The following MFHAS1 variants were observed in gnomAD, a reference collection of about 807,000 sequenced individuals.
The protein encoded by MFHAS1 is malignant fibrous histiocytoma-amplified sequence 1.
A neutral mutation model predicts 70.4 loss-of-function variants in MFHAS1; 50 were observed. That is an observed-to-expected ratio of 0.71 (90% CI 0.57 to 0.90). The LOEUF (loss-of-function observed/expected upper bound fraction) is 0.90, where lower values mean the gene tolerates loss of function less well. MFHAS1 is among the 40% of genes least tolerant of loss of function. The pLI is 0.00. For missense variants in MFHAS1, 1,795 were observed against 1,347.6 expected, an observed-to-expected ratio of 1.33 and a Z score of -5.20; for synonymous variants, 952 against 620.0, an observed-to-expected ratio of 1.54 and a Z score of -7.96.
Position 8,820,264 on chromosome 8 carries a change from G to C in MFHAS1, c.2999-22773C>G, listed in dbSNP as rs192233537. Among the ~76,000 whole-genome samples, 24 of 151,564 alleles carry C rather than the reference G, an allele frequency of 1.6e-4. 1 individual carries two copies. The East Asian group carries it at 4.5e-3, about 28-fold the overall frequency. ...TATGCTCCCCCTTCCCAAGTCCCCA[G>C]GGTTGGGACTGCTGTGCTCCCCCTT... On this transcript the variant is annotated intron_variant, in intron 1 of 2. Coordinates refer to ENST00000276282, the MANE Select transcript of MFHAS1 (RefSeq NM_004225.3).
At chr8:8,835,225 T>C (rs7820478) in intron 1 of MFHAS1, among the ~76,000 whole-genome samples, 50,439 of 151,998 alleles carry the variant, frequency 0.33, 8,711 homozygotes, top group Non-Finnish European at 0.39. Context: ...TGAATGCATG[T>C]CAAAACCCAT....
At chr8:8,881,913 C>A (rs550873615) in intron 1 of MFHAS1, among the ~76,000 whole-genome samples, 5 of 152,030 alleles carry the variant, frequency 3.3e-5, no homozygotes, top group African/African-American at 1.2e-4. Flanking sequence ...AGAAGGCTTT[C>A]TGTGGCCAGC....
chr8:8,847,212 G>C (rs1475308261), intron 1 of MFHAS1, among the ~76,000 whole-genome samples: 1 of 152,002 alleles, frequency 6.6e-6, no homozygotes, highest in African/African-American at 2.4e-5. Flanking sequence ...ACAGAGTTTT[G>C]CTCTTGTCAT....
rs571713062 is a variant in MFHAS1, at chr8:8,873,103, C to A, written c.2998+16958G>T. Among the ~76,000 whole-genome samples, 16 of 152,300 alleles carry A rather than the reference C, an allele frequency of 1.1e-4. No individual in the cohort carries two copies. The East Asian group carries it at 2.9e-3, about 28-fold the overall frequency. ...CCCAGCTCTAGGCAAGCCAGTGAGCCATTTTTGGTATCATAGTGTTCTTTT... is the reference window on the plus strand; with the variant it reads ...CCCAGCTCTAGGCAAGCCAGTGAGCAATTTTTGGTATCATAGTGTTCTTTT... On this transcript the variant is annotated intron_variant, in intron 1 of 2. Transcript: ENST00000276282.
At position 8,890,912 on chromosome 8, in the gene MFHAS1, A is replaced by G; in HGVS notation, c.2147T>C (p.Phe716Ser). The G allele has an allele frequency of 6.2e-7, 1 of 1,614,120 alleles. No homozygotes were observed. Among genetic ancestry groups the G allele is most frequent in the Non-Finnish European group, 8.5e-7 (1 of 1,180,028 alleles). Reference sequence around the variant, plus strand: ...CTCCTTGAGAGCCGGACTGTCCTCAAAGTAGAGTAGCTTGCCGCTCTCATG... The same window carrying G: ...CTCCTTGAGAGCCGGACTGTCCTCAGAGTAGAGTAGCTTGCCGCTCTCATG... ...YLHESGKLLYFEDSPALKEHV... is the reference protein window; with the variant it reads ...YLHESGKLLYSEDSPALKEHV... The change falls in exon 1 of 3, where the codon TTT becomes TCT. Residue 716 changes from phenylalanine (F) to serine (S), a missense_variant. Phe to Ser is a radical substitution (Grantham distance 155). Coordinates refer to ENST00000276282, the MANE Select transcript of MFHAS1 (RefSeq NM_004225.3).
At chr8:8,850,460 C>A (rs387706) in intron 1 of MFHAS1, among the ~76,000 whole-genome samples, 48,372 of 152,138 alleles carry the variant, frequency 0.32, 9,132 homozygotes, top group African/African-American at 0.53. Context: ...GAGATCATTT[C>A]ATCCAGCTTC....
chr8:8,822,714 G>A (rs538087524), intron 1 of MFHAS1, among the ~76,000 whole-genome samples: 1 of 145,428 alleles, frequency 6.9e-6, no homozygotes, highest in African/African-American at 2.6e-5. Context: ...TGGGGGCAGG[G>A]ACCAAGTCAG....
At position 8,841,954 on chromosome 8, in the gene MFHAS1, C is replaced by G. The variant is rs147402258; in HGVS notation, c.2999-44463G>C. On this transcript the variant is annotated intron_variant, in intron 1 of 2. Coordinates refer to ENST00000276282, the MANE Select transcript of MFHAS1 (RefSeq NM_004225.3). ...CTGCATTAGCTCCAGAAATAAAAAC[C>G]CCTACTCAGTCTCAGCAAGGCATGC... 1.7e-3 allele frequency among the ~76,000 whole-genome samples: 256 copies of G among 152,230 alleles called. 1 individual carries two copies. The highest frequency in any genetic ancestry group is 2.7e-3 in the Non-Finnish European group (184 of 68,010).
At chr8:8,888,735 T>A (rs1809869541) in intron 1 of MFHAS1, among the ~76,000 whole-genome samples, 1 of 152,168 alleles carries the variant, frequency 6.6e-6, no homozygotes, top group African/African-American at 2.4e-5. Context: ...AGAGGATTTT[T>A]AAAGCAGTAG....
In MFHAS1 at chr8:8,803,386, A is replaced by G. The variant is rs983628358; in HGVS notation, c.2999-5895T>C. Among the ~76,000 whole-genome samples the G allele has an allele frequency of 7.9e-5, 12 of 151,932 alleles. No homozygotes were observed. In the East Asian group the frequency reaches 2.1e-3, roughly 27 times the overall value. On this transcript the variant is annotated intron_variant, in intron 1 of 2. Transcript: ENST00000276282. The stretch of plus-strand genomic sequence containing the variant: ...ATGAAAATTAGCCAGGGATGGTGGT[A>G]GGCACCTGTAATCCCAGCTACCTGG...
At chr8:8,827,463 T>C (rs994149425) in intron 1 of MFHAS1, among the ~76,000 whole-genome samples, 1 of 152,236 alleles carries the variant, frequency 6.6e-6, no homozygotes, top group Non-Finnish European at 1.5e-5. Context: ...ATTTCACAGA[T>C]GAAAACAATG....
chr8:8,802,717 G>A (rs1405075324), intron 1 of MFHAS1, among the ~76,000 whole-genome samples: 1 of 152,176 alleles, frequency 6.6e-6, no homozygotes, highest in African/African-American at 2.4e-5. Flanking sequence ...AAGCTAGCAG[G>A]CAGGGGACTG....
At chr8:8,868,042 T>C (rs868787410) in intron 1 of MFHAS1, among the ~76,000 whole-genome samples, 2 of 152,112 alleles carry the variant, frequency 1.3e-5, no homozygotes, top group Non-Finnish European at 2.9e-5. Flanking sequence ...TGTGGCACTC[T>C]GTCCAGACTG....
chr8:8,793,946 C>T lies in MFHAS1; in HGVS notation c.3125+3419G>A, dbSNP rs1254706308. Among the ~76,000 whole-genome samples the T allele has an allele frequency of 3.3e-5, 5 of 152,210 alleles. No homozygotes were observed. The South Asian group carries it at 8.3e-4, about 25-fold the overall frequency. On this transcript the variant is annotated intron_variant, in intron 2 of 2. Transcript: ENST00000276282. ...CTCATGCCTGTAATCCCAGCATTTT[C>T]GGAGGCTGAGGCAGATGGATCACTT...
chr8:8,890,553 G>A lies in MFHAS1; in HGVS notation c.2506C>T (p.Pro836Ser), dbSNP rs370195100. The change falls in exon 1 of 3, where the codon CCC becomes TCC. Residue 836 changes from proline to serine, a missense_variant. Pro to Ser is a moderately conservative substitution (Grantham distance 74, BLOSUM62 -1). Coordinates refer to ENST00000276282, the MANE Select transcript of MFHAS1 (RefSeq NM_004225.3). ...KMGLCYCLNK[P>S]KGKPLNGSTA... Reference sequence around the variant, plus strand: ...GACCCATTCAAAGGCTTGCCCTTGGGTTTATTGAGGCAGTAACAGAGTCCC... The same window carrying A: ...GACCCATTCAAAGGCTTGCCCTTGGATTTATTGAGGCAGTAACAGAGTCCC... 20 of 1,613,372 alleles carry A rather than the reference G, an allele frequency of 1.2e-5. No homozygotes were observed. The highest frequency in any genetic ancestry group is 1.6e-5 in the Non-Finnish European group (19 of 1,180,056).
intron 1 of MFHAS1, among the ~76,000 whole-genome samples, chr8:8,872,398 G>A (rs962249610): frequency 5.3e-5 from 8 of 152,194 alleles, no homozygotes; most frequent in Non-Finnish European, 1.2e-4. Context: ...GGGGACGGCA[G>A]GAGGATTCCA....
At chr8:8,825,696 G>A (rs988359480) in intron 1 of MFHAS1, among the ~76,000 whole-genome samples, 6 of 152,086 alleles carry the variant, frequency 3.9e-5, no homozygotes, top group African/African-American at 1.4e-4. Context: ...TGACCTCATT[G>A]AACCATAATT....
intron 1 of MFHAS1, among the ~76,000 whole-genome samples, chr8:8,835,361 C>T (rs1039966179): frequency 1.6e-4 from 24 of 152,146 alleles, no homozygotes; most frequent in African/African-American, 5.1e-4. Context: ...AAACACTATC[C>T]TGTCCCACGG....
chr8:8,804,480 T>A (rs930671848), intron 1 of MFHAS1, among the ~76,000 whole-genome samples: 2 of 152,222 alleles, frequency 1.3e-5, no homozygotes, highest in Non-Finnish European at 2.9e-5. Flanking sequence ...ATTTGTGAAG[T>A]CTTAGCAGTC....
Sources: gnomAD v4.1 joint callset for allele counts (sites outside exome capture counted in the v4.1 genomes callset) on GRCh38, gnomAD v4.1.1 for gene constraint, MANE v1.5 for transcripts, NCBI Gene and HGNC (gene_info 2026-07-23, HGNC 2026-07-21) for gene names.